The following HMGB1 variants were observed in gnomAD, a reference collection of about 807,000 sequenced individuals.
The protein encoded by HMGB1 is high mobility group box 1, also known as high mobility group protein B1.
For synonymous variants in HMGB1, 81 were observed against 84.0 expected (o/e 0.96, Z 0.19); for missense variants, 79 against 253.5 (o/e 0.31, Z 4.67).
intron 1 of HMGB1, among the ~76,000 whole-genome samples, chr13:30,563,988 T>A (rs1593314746): frequency 6.6e-6 from 1 of 152,338 alleles, no homozygotes; most frequent in South Asian, 2.1e-4. Flanking sequence ...TTTCAATAAA[T>A]AATTTATTTT....
intron 1 of HMGB1, among the ~76,000 whole-genome samples, chr13:30,569,189 G>A (rs556449652): frequency 7.2e-5 from 11 of 152,200 alleles, no homozygotes; most frequent in Non-Finnish European, 1.3e-4. Flanking sequence ...CAAGTCTTAC[G>A]TAGCAAAAAG....
At chr13:30,546,987 C>G (rs1020714092) in intron 1 of HMGB1, among the ~76,000 whole-genome samples, 2 of 152,182 alleles carry the variant, frequency 1.3e-5, no homozygotes, top group Non-Finnish European at 2.9e-5. Flanking sequence ...TCAAAACATT[C>G]TTTATCCCTA....
In HMGB1 at chr13:30,459,206, TTGAG is replaced by T; in HGVS notation, c.*2147_*2150del. 1 of 152,186 alleles carries T rather than the reference TTGAG, an allele frequency of 6.6e-6. No individual in the cohort carries two copies. The highest frequency in any genetic ancestry group is 1.5e-5 in the Non-Finnish European group (1 of 68,022). The allele number at this position is 152,186 out of a possible 1,614,324, so 9.4% of individuals were successfully genotyped here. ...TAAATTGCCTCCCACTTCCATTTAC[TTGAG>T]TTTTAGACATCCAACTTCTAGGGGA... On this transcript the variant is annotated 3_prime_UTR_variant, in exon 5 of 5. Coordinates refer to ENST00000341423, the MANE Select transcript of HMGB1 (RefSeq NM_002128.7).
At chr13:30,562,207 GA>G (rs1869986912) in intron 1 of HMGB1, among the ~76,000 whole-genome samples, 1 of 151,276 alleles carries the variant, frequency 6.6e-6, no homozygotes, top group Non-Finnish European at 1.5e-5. Context: ...TGAGGCAGGA[GA>G]ATCGCTTGAA....
intron 1 of HMGB1, among the ~76,000 whole-genome samples, chr13:30,601,515 G>A (rs1950400916): frequency 2.6e-5 from 1 of 38,558 alleles, no homozygotes. Context: ...GGAGGCCGAG[G>A]CGGGCGGATC....
intron 1 of HMGB1, among the ~76,000 whole-genome samples, chr13:30,511,952 G>A (rs1406293605): frequency 1.3e-5 from 2 of 152,030 alleles, no homozygotes; most frequent in African/African-American, 2.4e-5. Context: ...TTGTGGGGGC[G>A]ACTGTGGCCT....
intron 1 of HMGB1, among the ~76,000 whole-genome samples, chr13:30,493,860 C>A (rs371026590): frequency 5.1e-4 from 77 of 152,000 alleles, no homozygotes; most frequent in African/African-American, 1.8e-3. Flanking sequence ...CACCTGTAAT[C>A]CCAGCTGCTC....
At chr13:30,494,097 GTGTT>G (rs1887558632) in intron 1 of HMGB1, among the ~76,000 whole-genome samples, 2 of 152,026 alleles carry the variant, frequency 1.3e-5, no homozygotes, top group South Asian at 2.1e-4. Context: ...CTCCCATTGA[GTGTT>G]TGGCAGGCCA....
intron 1 of HMGB1, among the ~76,000 whole-genome samples, chr13:30,599,590 G>C (rs977506840): frequency 6.6e-6 from 1 of 152,208 alleles, no homozygotes; most frequent in African/African-American, 2.4e-5. Flanking sequence ...TTGTTGGCTG[G>C]TTTGGTTTCT....
intron 1 of HMGB1, among the ~76,000 whole-genome samples, chr13:30,472,388 G>A (rs1242433025): frequency 6.6e-6 from 1 of 152,102 alleles, no homozygotes. Flanking sequence ...ATAACTTAAG[G>A]TCAGGGGTTT....
intron 1 of HMGB1, among the ~76,000 whole-genome samples, chr13:30,597,002 G>GT (rs1871641845): frequency 6.6e-6 from 1 of 152,168 alleles, no homozygotes; most frequent in South Asian, 2.1e-4. Context: ...CTAGACAGCT[G>GT]TATGATTTGA....
At chr13:30,538,510 C>CTTTCTCTTT (rs1164550479) in intron 1 of HMGB1, among the ~76,000 whole-genome samples, 1 of 82,230 alleles carries the variant, frequency 1.2e-5, no homozygotes, top group Non-Finnish European at 2.2e-5. Context: ...TTCTTTCTTT[C>CTTTCTCTTT]CTTTCTTTCT....
At chr13:30,562,101 C>T (rs1415401773) in intron 1 of HMGB1, among the ~76,000 whole-genome samples, 1 of 152,142 alleles carries the variant, frequency 6.6e-6, no homozygotes, top group Non-Finnish European at 1.5e-5. Context: ...GCAGGCGGAT[C>T]ACCTGAGGTC....
chr13:30,584,913 C>T (rs1463643496), intron 1 of HMGB1, among the ~76,000 whole-genome samples: 1 of 151,968 alleles, frequency 6.6e-6, no homozygotes, highest in Non-Finnish European at 1.5e-5. Context: ...AGTGGAAGGC[C>T]GAGGAGGGAG....
chr13:30,531,666 G>A (rs1888499633), intron 1 of HMGB1, among the ~76,000 whole-genome samples: 1 of 151,898 alleles, frequency 6.6e-6, no homozygotes, highest in African/African-American at 2.4e-5. Flanking sequence ...TTGGGAGGCC[G>A]AGGTGGGCGG....
intron 1 of HMGB1, among the ~76,000 whole-genome samples, chr13:30,611,221 C>T (rs962332188): frequency 6.6e-6 from 1 of 152,128 alleles, no homozygotes; most frequent in Non-Finnish European, 1.5e-5. Flanking sequence ...GACGCAGTCT[C>T]GCTTTATTGC....
At chr13:30,475,873 T>G (rs1887084668) in intron 1 of HMGB1, among the ~76,000 whole-genome samples, 2 of 152,202 alleles carry the variant, frequency 1.3e-5, no homozygotes, top group South Asian at 4.1e-4. Context: ...GTCAGGGTTC[T>G]CAAGTTTACC....
chr13:30,486,575 C>T (rs914195444), intron 1 of HMGB1, among the ~76,000 whole-genome samples: 42 of 152,164 alleles, frequency 2.8e-4, no homozygotes, highest in African/African-American at 9.9e-4. Context: ...CGCCTCTTGG[C>T]ACCAGGGAAG....
At chr13:30,603,882 C>T (rs59210685) in intron 1 of HMGB1, among the ~76,000 whole-genome samples, 8,226 of 152,160 alleles carry the variant, frequency 0.054, 303 homozygotes, top group South Asian at 0.098. Context: ...AAAGTCCACG[C>T]GTGTTCAGAA....
Sources: allele counts gnomAD v4.1 joint callset (sites outside exome capture counted in the v4.1 genomes callset), GRCh38; gene constraint gnomAD v4.1.1; transcripts MANE v1.5; gene names NCBI Gene and HGNC (gene_info 2026-07-23, HGNC 2026-07-21).